Variants in BAZ2B observed in about 807,000 individuals in gnomAD.
BAZ2B encodes the protein bromodomain adjacent to zinc finger domain 2B, also known as bromodomain adjacent to zinc finger domain protein 2B.
BAZ2B carries 91 observed loss-of-function variants against 246.0 expected under a neutral mutation model. The ratio of observed to expected loss-of-function variants is 0.37; its 90% CI spans 0.31 to 0.44. BAZ2B has a LOEUF of 0.44. BAZ2B is among the 20% of genes least tolerant of loss of function. BAZ2B has a pLI of 1.00. For synonymous variants in BAZ2B, 855 were observed against 860.0 expected, an observed-to-expected ratio of 0.99 and a Z score of 0.10; for missense variants, 2,332 against 2,533.7, an observed-to-expected ratio of 0.92 and a Z score of 1.71.
At chr2:159,604,573 A>G (rs576220291) in intron 1 of BAZ2B, among the ~76,000 whole-genome samples, 15 of 152,340 alleles carry the variant, frequency 9.8e-5, no homozygotes, top group African/African-American at 3.4e-4. Context: ...TATTTAATAA[A>G]ATTAGTATTT....
Position 159,557,101 on chromosome 2 carries a change from G to C in BAZ2B, c.-45-1236C>G, listed in dbSNP as rs144714211. Among the ~76,000 whole-genome samples the C allele has an allele frequency of 3.0e-3, 444 of 150,302 alleles. 1 individual carries two copies. The Middle Eastern group carries it at 0.052, about 18-fold the overall frequency. On this transcript the variant is annotated intron_variant, in intron 1 of 36. Coordinates refer to ENST00000392783, the MANE Select transcript of BAZ2B (RefSeq NM_013450.4). ...TTTACCTTACTACTTCATGATTACT[G>C]GCTCTCCTATGTTACCATTATAGCC...
chr2:159,564,593 A>G (rs1235713041), intron 1 of BAZ2B, among the ~76,000 whole-genome samples: 1 of 152,196 alleles, frequency 6.6e-6, no homozygotes, highest in Non-Finnish European at 1.5e-5. Flanking sequence ...GCTGATGACT[A>G]AACAAGAAAA....
chr2:159,384,210 T>C (rs1371023102), intron 23 of BAZ2B, among the ~76,000 whole-genome samples: 1 of 152,006 alleles, frequency 6.6e-6, no homozygotes, highest in Non-Finnish European at 1.5e-5. Flanking sequence ...GCAAAAACCA[T>C]AGTGTACCAT....
At chr2:159,330,282 G>A (rs1041049863) in intron 34 of BAZ2B, among the ~76,000 whole-genome samples, 2 of 151,970 alleles carry the variant, frequency 1.3e-5, no homozygotes, top group African/African-American at 4.8e-5. Context: ...TGATAACCTC[G>A]AGGCAAAAAA....
the BAZ2B span, among the ~76,000 whole-genome samples, chr2:159,622,030 C>T: frequency 3.3e-5 from 5 of 151,638 alleles, no homozygotes; most frequent in East Asian, 3.9e-4. Flanking sequence ...TGCTTGAAAC[C>T]GGGAGGCGGA....
chr2:159,355,479 C>A (rs191755250), intron 27 of BAZ2B, among the ~76,000 whole-genome samples: 2 of 152,110 alleles, frequency 1.3e-5, no homozygotes, highest in South Asian at 2.1e-4. Context: ...AAACCATTAC[C>A]CTTAATGAAA....
At chr2:159,682,764 CA>C in the BAZ2B span, among the ~76,000 whole-genome samples, 1 of 152,076 alleles carries the variant, frequency 6.6e-6, no homozygotes, top group African/African-American at 2.4e-5. Flanking sequence ...AATAGAACAC[CA>C]GCTCAATTTC....
At chr2:159,628,612 G>C in the BAZ2B span, among the ~76,000 whole-genome samples, 2 of 152,184 alleles carry the variant, frequency 1.3e-5, no homozygotes, top group Admixed American at 6.5e-5. Flanking sequence ...AAACTGGCTA[G>C]CCATATGCAG....
intron 2 of BAZ2B, among the ~76,000 whole-genome samples, chr2:159,500,751 C>A (rs1008519027): frequency 6.6e-6 from 1 of 151,970 alleles, no homozygotes. Flanking sequence ...GTCAGGAATT[C>A]GAGACCAGCC....
At chr2:159,454,309 G>A (rs933281626) in intron 3 of BAZ2B, among the ~76,000 whole-genome samples, 4 of 152,128 alleles carry the variant, frequency 2.6e-5, no homozygotes, top group African/African-American at 9.7e-5. Flanking sequence ...CTCTAACACA[G>A]TCATGAGTTG....
chr2:159,378,964 G>C (rs2061695477), intron 25 of BAZ2B, among the ~76,000 whole-genome samples: 1 of 152,044 alleles, frequency 6.6e-6, no homozygotes, highest in African/African-American at 2.4e-5. Context: ...ATTAAGAATA[G>C]AACTATCTGA....
intron 2 of BAZ2B, among the ~76,000 whole-genome samples, chr2:159,496,903 T>C (rs2081231844): frequency 6.6e-6 from 1 of 152,126 alleles, no homozygotes; most frequent in African/African-American, 2.4e-5. Context: ...TATTCCTTTT[T>C]TGCCTCTTGT....
At chr2:159,573,544 T>C (rs1222792625) in intron 1 of BAZ2B, among the ~76,000 whole-genome samples, 2 of 151,734 alleles carry the variant, frequency 1.3e-5, no homozygotes, top group African/African-American at 4.8e-5. Context: ...ACGTAAGAGG[T>C]AAAAACGTAA....
intron 1 of BAZ2B, among the ~76,000 whole-genome samples, chr2:159,576,312 G>T (rs1685269600): frequency 6.6e-6 from 1 of 152,056 alleles, no homozygotes; most frequent in African/African-American, 2.4e-5. Flanking sequence ...TAACATCGAT[G>T]TGGTCAAAAG....
chr2:159,451,489 GC>G, intron 4 of BAZ2B, among the ~76,000 whole-genome samples: 1 of 152,088 alleles, frequency 6.6e-6, no homozygotes, highest in East Asian at 1.9e-4. Flanking sequence ...TAGGAAATCT[GC>G]AAATTAAACA....
chr2:159,643,907 T>A, the BAZ2B span, among the ~76,000 whole-genome samples: 1 of 150,448 alleles, frequency 6.6e-6, no homozygotes, highest in African/African-American at 2.5e-5. Context: ...AAGTCTTAAC[T>A]TATTCAAGCA....
At chr2:159,502,434 G>C (rs1456765565) in intron 2 of BAZ2B, among the ~76,000 whole-genome samples, 1 of 150,692 alleles carries the variant, frequency 6.6e-6, no homozygotes, top group South Asian at 2.1e-4. Context: ...AGACCAGCCT[G>C]GGCAACATGG....
At chr2:159,344,444 G>C (rs192289958) in intron 31 of BAZ2B, among the ~76,000 whole-genome samples, 83 of 151,732 alleles carry the variant, frequency 5.5e-4, no homozygotes, top group South Asian at 2.1e-3. Context: ...TGAGGCAGGA[G>C]AGTTGCTTGA....
intron 31 of BAZ2B, among the ~76,000 whole-genome samples, chr2:159,345,211 C>CAA (rs57569261): frequency 1.4e-4 from 20 of 138,768 alleles, no homozygotes; most frequent in African/African-American, 4.5e-4. Flanking sequence ...AACTTGGTCT[C>CAA]AAAAAAAAAA....
Sources: gnomAD v4.1 joint callset for allele counts (sites outside exome capture counted in the v4.1 genomes callset) on GRCh38, gnomAD v4.1.1 for gene constraint, MANE v1.5 for transcripts, NCBI Gene and HGNC (gene_info 2026-07-23, HGNC 2026-07-21) for gene names.